The following ZFHX3 variants were observed in gnomAD, a reference collection of about 807,000 sequenced individuals.
ZFHX3 encodes zinc finger homeobox protein 3.
Under a neutral mutation model 279.1 loss-of-function variants are expected in ZFHX3, and 42 were observed. That is an observed-to-expected ratio of 0.15 (90% CI 0.12 to 0.19). The LOEUF (loss-of-function observed/expected upper bound fraction) is 0.19. Among genes scored for constraint, ZFHX3 ranks in the 10% least tolerant of loss-of-function variants. The pLI is 1.00. For synonymous variants in ZFHX3, 2,293 were observed against 1,957.8 expected, an observed-to-expected ratio of 1.17 and a Z score of -4.52; for missense variants, 4,981 against 4,754.0, an observed-to-expected ratio of 1.05 and a Z score of -1.40.
At chr16:73,433,428 G>A (rs925319252) in intron 3 of ZFHX3, among the ~76,000 whole-genome samples, 2 of 152,078 alleles carry the variant, frequency 1.3e-5, no homozygotes, top group Non-Finnish European at 2.9e-5. Context: ...TCAAAAACAT[G>A]CACAGCACCC....
chr16:73,631,837 G>A (rs1437711103), intron 2 of ZFHX3, among the ~76,000 whole-genome samples: 2 of 151,898 alleles, frequency 1.3e-5, no homozygotes, highest in African/African-American at 2.4e-5. Context: ...AACCTGGGAG[G>A]TGGAGGTTGC....
intron 2 of ZFHX3, among the ~76,000 whole-genome samples, chr16:73,503,471 T>C (rs753484143): frequency 6.6e-6 from 1 of 152,188 alleles, no homozygotes; most frequent in African/African-American, 2.4e-5. Context: ...ACCGCACGTG[T>C]CTGCTCTTGG....
intron 1 of ZFHX3, among the ~76,000 whole-genome samples, chr16:73,041,615 G>T (rs988918247): frequency 2.6e-5 from 4 of 152,130 alleles, no homozygotes; most frequent in African/African-American, 9.7e-5. Context: ...CACTATTCAA[G>T]ATTCCATCAG....
At chr16:73,626,085 T>C (rs993913933) in intron 2 of ZFHX3, among the ~76,000 whole-genome samples, 2 of 152,106 alleles carry the variant, frequency 1.3e-5, no homozygotes, top group Non-Finnish European at 2.9e-5. Flanking sequence ...CTCGATCTCC[T>C]GACCTCGTGA....
intron 7 of ZFHX3, among the ~76,000 whole-genome samples, chr16:73,113,793 C>CATTT (rs1966403947): frequency 9.7e-6 from 1 of 103,006 alleles, no homozygotes; most frequent in Non-Finnish European, 1.8e-5. Flanking sequence ...TTTTTGGAAA[C>CATTT]TTTTTTTTTT....
At chr16:73,316,025 C>A (rs1469482738) in intron 4 of ZFHX3, among the ~76,000 whole-genome samples, 2 of 152,156 alleles carry the variant, frequency 1.3e-5, no homozygotes. Flanking sequence ...AAACCGCTGG[C>A]CCGCACTGGC....
chr16:73,767,119 T>G (rs903213561), intron 1 of ZFHX3, among the ~76,000 whole-genome samples: 10 of 152,046 alleles, frequency 6.6e-5, no homozygotes, highest in Admixed American at 5.9e-4. Context: ...GTATTTTTAG[T>G]AGAGATGGGG....
chr16:73,745,106 C>G (rs1167648509), intron 1 of ZFHX3, among the ~76,000 whole-genome samples: 2 of 152,158 alleles, frequency 1.3e-5, no homozygotes, highest in African/African-American at 4.8e-5. Flanking sequence ...AATGTCCATA[C>G]CACTTTTCTT....
At chr16:72,883,581 T>C (rs1482208710) in intron 4 of ZFHX3, among the ~76,000 whole-genome samples, 2 of 152,258 alleles carry the variant, frequency 1.3e-5, no homozygotes, top group East Asian at 1.9e-4. Context: ...TGTTATCCTG[T>C]AAACTCCATT....
intron 3 of ZFHX3, among the ~76,000 whole-genome samples, chr16:73,410,775 T>G (rs1288707082): frequency 6.6e-6 from 1 of 152,192 alleles, no homozygotes; most frequent in Non-Finnish European, 1.5e-5. Context: ...GAATGAAGAA[T>G]CACAGCTTTT....
chr16:73,030,541 T>A (rs1047294104), intron 1 of ZFHX3, among the ~76,000 whole-genome samples: 5 of 152,150 alleles, frequency 3.3e-5, no homozygotes, highest in Non-Finnish European at 7.3e-5. Flanking sequence ...CGGGGTTATA[T>A]TGGCAAAGTG....
intron 2 of ZFHX3, among the ~76,000 whole-genome samples, chr16:73,648,395 A>AT (rs1183077849): frequency 2.0e-5 from 3 of 151,750 alleles, no homozygotes; most frequent in Admixed American, 6.6e-5. Context: ...TTTAATTTTT[A>AT]TTTTTTTTCT....
At chr16:73,776,275 T>A (rs1959242373) in intron 1 of ZFHX3, among the ~76,000 whole-genome samples, 1 of 152,138 alleles carries the variant, frequency 6.6e-6, no homozygotes, top group Non-Finnish European at 1.5e-5. Context: ...AGAGCTTAAA[T>A]TGTTAGGGTC....
chr16:73,469,909 C>G (rs1002104264), intron 2 of ZFHX3, among the ~76,000 whole-genome samples: 1 of 152,198 alleles, frequency 6.6e-6, no homozygotes, highest in African/African-American at 2.4e-5. Context: ...AGCCACTGTG[C>G]CCAGCCTCAA....
intron 3 of ZFHX3, among the ~76,000 whole-genome samples, chr16:72,937,712 C>G (rs1486192195): frequency 6.6e-6 from 1 of 152,248 alleles, no homozygotes; most frequent in Non-Finnish European, 1.5e-5. Flanking sequence ...TCCATCCTCT[C>G]TGTTCCACTT....
chr16:73,814,080 G>T (rs180675751), intron 1 of ZFHX3, among the ~76,000 whole-genome samples: 177 of 152,276 alleles, frequency 1.2e-3, no homozygotes, highest in African/African-American at 4.0e-3. Context: ...AGTAATATCT[G>T]CAATTAAAAA....
At chr16:73,780,428 A>G (rs1959427611) in intron 1 of ZFHX3, among the ~76,000 whole-genome samples, 2 of 149,718 alleles carry the variant, frequency 1.3e-5, no homozygotes, top group Non-Finnish European at 3.0e-5. Context: ...GTTTATAGGC[A>G]TGAGCCACCG....
chr16:73,812,321 A>T (rs970731464), intron 1 of ZFHX3, among the ~76,000 whole-genome samples: 6 of 152,126 alleles, frequency 3.9e-5, no homozygotes, highest in Non-Finnish European at 1.5e-5. Flanking sequence ...TCTGCTCCTG[A>T]TATCCTTCCT....
chr16:73,414,616 G>C (rs1042330255), intron 3 of ZFHX3, among the ~76,000 whole-genome samples: 1 of 152,302 alleles, frequency 6.6e-6, no homozygotes. Flanking sequence ...TGAGAGAATT[G>C]CTTGAGCCCA....
Sources: gnomAD v4.1 joint callset for allele counts (sites outside exome capture counted in the v4.1 genomes callset) on GRCh38, gnomAD v4.1.1 for gene constraint, MANE v1.5 for transcripts, NCBI Gene and HGNC (gene_info 2026-07-23, HGNC 2026-07-21) for gene names.